The following ENTREP2 variants were observed in gnomAD, a reference collection of about 807,000 sequenced individuals.
The protein encoded by ENTREP2 is endosomal transmembrane epsin interactor 2.
chr15:29,606,191 T>G, the ENTREP2 span, among the ~76,000 whole-genome samples: 4 of 152,016 alleles, frequency 2.6e-5, no homozygotes, highest in African/African-American at 7.2e-5. Context: ...TTGACAAATC[T>G]GGGCTAGTCG....
At chr15:29,471,430 G>A in the ENTREP2 span, among the ~76,000 whole-genome samples, 1 of 152,342 alleles carries the variant, frequency 6.6e-6, no homozygotes, top group Admixed American at 6.5e-5. Flanking sequence ...ACAGGTGGCT[G>A]AGAATAGGCA....
the ENTREP2 span, among the ~76,000 whole-genome samples, chr15:29,193,149 T>A: frequency 6.6e-6 from 1 of 152,088 alleles, no homozygotes; most frequent in African/African-American, 2.4e-5. Context: ...CAGATTGCAA[T>A]GTGTGCTGAT....
At chr15:29,485,975 G>C in the ENTREP2 span, among the ~76,000 whole-genome samples, 4,598 of 152,196 alleles carry the variant, frequency 0.03, 228 homozygotes, top group African/African-American at 0.11. Context: ...AGTAAAAACA[G>C]AACTACCATA....
chr15:29,299,543 C>T, the ENTREP2 span, among the ~76,000 whole-genome samples: 1 of 152,154 alleles, frequency 6.6e-6, no homozygotes, highest in East Asian at 1.9e-4. Context: ...CTTAACTAGA[C>T]ATCCACCTGG....
chr15:29,537,786 C>T, the ENTREP2 span, among the ~76,000 whole-genome samples: 1 of 152,164 alleles, frequency 6.6e-6, no homozygotes, highest in South Asian at 2.1e-4. Flanking sequence ...GAGGCCCCTA[C>T]TGATGGGGAT....
the ENTREP2 span, among the ~76,000 whole-genome samples, chr15:29,543,801 A>G: frequency 1.3e-5 from 2 of 151,806 alleles, no homozygotes; most frequent in Non-Finnish European, 2.9e-5. Context: ...AATCCCCCAA[A>G]AAACTTTTTC....
chr15:29,403,299 C>T, the ENTREP2 span, among the ~76,000 whole-genome samples: 2 of 152,156 alleles, frequency 1.3e-5, no homozygotes, highest in South Asian at 2.1e-4. Context: ...CTCTGCCCCC[C>T]TCCCTTTCTC....
the ENTREP2 span, among the ~76,000 whole-genome samples, chr15:29,631,093 A>G: frequency 1.3e-5 from 2 of 152,120 alleles, no homozygotes; most frequent in African/African-American, 4.8e-5. Context: ...CTGTATTTTT[A>G]GTTCTATGAT....
chr15:29,246,301 G>A, the ENTREP2 span, among the ~76,000 whole-genome samples: 1 of 151,220 alleles, frequency 6.6e-6, no homozygotes, highest in Non-Finnish European at 1.5e-5. Flanking sequence ...TGTGACGGGA[G>A]GATCACCTGA....
At chr15:29,396,656 T>C in the ENTREP2 span, among the ~76,000 whole-genome samples, 1 of 152,232 alleles carries the variant, frequency 6.6e-6, no homozygotes, top group East Asian at 1.9e-4. Context: ...CTTATGCCTT[T>C]GGCATCATAT....
the ENTREP2 span, among the ~76,000 whole-genome samples, chr15:29,629,859 G>C: frequency 6.6e-6 from 1 of 152,124 alleles, no homozygotes; most frequent in Non-Finnish European, 1.5e-5. Flanking sequence ...GCTCATGCCT[G>C]TAATCCCAGC....
the ENTREP2 span, among the ~76,000 whole-genome samples, chr15:29,592,909 C>G: frequency 1.3e-5 from 2 of 152,174 alleles, no homozygotes; most frequent in Non-Finnish European, 2.9e-5. Flanking sequence ...CAGCAGCTCC[C>G]CTTCACCTTA....
chr15:29,471,096 C>T, the ENTREP2 span, among the ~76,000 whole-genome samples: 6 of 152,128 alleles, frequency 3.9e-5, no homozygotes, highest in African/African-American at 1.4e-4. Context: ...TTATAGTGCC[C>T]CACACAGCCC....
the ENTREP2 span, among the ~76,000 whole-genome samples, chr15:29,225,844 T>C: frequency 6.6e-6 from 1 of 152,196 alleles, no homozygotes; most frequent in Non-Finnish European, 1.5e-5. Context: ...CTGCATCCTT[T>C]AGGCCTCGGC....
the ENTREP2 span, among the ~76,000 whole-genome samples, chr15:29,460,000 AT>A: frequency 3.3e-5 from 5 of 152,188 alleles, no homozygotes. Flanking sequence ...AAATCCTAGC[AT>A]TTTTGGAGGC....
At chr15:29,189,421 T>C in the ENTREP2 span, among the ~76,000 whole-genome samples, 2 of 52,182 alleles carry the variant, frequency 3.8e-5, no homozygotes, top group Non-Finnish European at 7.3e-5. Context: ...ATTGTCTTGC[T>C]TTTTTTTTTT....
the ENTREP2 span, among the ~76,000 whole-genome samples, chr15:29,660,605 A>T: frequency 1.3e-5 from 2 of 152,230 alleles, no homozygotes; most frequent in Non-Finnish European, 1.5e-5. Flanking sequence ...TTCAAAATTG[A>T]ATCAAATTAA....
chr15:29,182,838 A>AT, the ENTREP2 span, among the ~76,000 whole-genome samples: 1 of 152,104 alleles, frequency 6.6e-6, no homozygotes, highest in African/African-American at 2.4e-5. Flanking sequence ...CCATAGACCA[A>AT]TAAAAAAAAA....
the ENTREP2 span, among the ~76,000 whole-genome samples, chr15:29,352,293 C>G: frequency 2.0e-5 from 3 of 152,128 alleles, no homozygotes; most frequent in African/African-American, 7.2e-5. Flanking sequence ...TAACACTGTT[C>G]TCCCCACTTT....
Sources: gnomAD v4.1 joint callset for allele counts (sites outside exome capture counted in the v4.1 genomes callset) on GRCh38, gnomAD v4.1.1 for gene constraint, MANE v1.5 for transcripts, NCBI Gene and HGNC (gene_info 2026-07-23, HGNC 2026-07-21) for gene names.